The following GNG4 variants were observed in gnomAD, a reference collection of about 807,000 sequenced individuals.
GNG4 encodes G protein subunit gamma 4, also known as guanine nucleotide-binding protein G(I)/G(S)/G(O) subunit gamma-4.
In GNG4, 4 loss-of-function variants were observed where a neutral mutation model predicts 5.8. The ratio of observed to expected loss-of-function variants is 0.69; its 90% CI spans 0.34 to 1.57. The LOEUF is 1.57. Ranked by LOEUF, GNG4 falls within the 40% of genes most tolerant of loss-of-function variation. GNG4 has a pLI of 0.06. For synonymous variants in GNG4, 29 were observed against 32.9 expected, an observed-to-expected ratio of 0.88 and a Z score of 0.41; for missense variants, 96 against 95.1, an observed-to-expected ratio of 1.01 and a Z score of -0.04.
chr1:235,608,811 G>T (rs1419778641), intron 1 of GNG4, among the ~76,000 whole-genome samples: 1 of 151,980 alleles, frequency 6.6e-6, no homozygotes, highest in Non-Finnish European at 1.5e-5. Flanking sequence ...AGCCTCCTGA[G>T]TAGCTGGGAT....
intron 1 of GNG4, among the ~76,000 whole-genome samples, chr1:235,627,279 G>A (rs1318095257): frequency 6.6e-6 from 1 of 152,032 alleles, no homozygotes; most frequent in Non-Finnish European, 1.5e-5. Context: ...CTGGAGTGCA[G>A]TGGCCCAATC....
chr1:235,588,732 TTCC>T (rs2102948978), intron 2 of GNG4: 1 of 152,420 alleles, frequency 6.6e-6, no homozygotes, highest in South Asian at 2.1e-4. Context: ...TCTTCATCAC[TTCC>T]TCATCACCTC....
chr1:235,571,897 G>A (rs1027952257), intron 3 of GNG4, among the ~76,000 whole-genome samples: 5 of 152,112 alleles, frequency 3.3e-5, no homozygotes, highest in Admixed American at 2.6e-4. Context: ...GAGTGCAGTG[G>A]CAGGATCAGG....
rs59527448 is a variant in GNG4 at position 235,596,209 on chromosome 1, T to TACACACACACACACACACAC, written c.-122-718_-122-699dup. Reference sequence around the variant, plus strand: ...ACAAAACAAAAACAAACAAACAAAATACACACACACACACACACACACACA... The same window carrying TACACACACACACACACACAC: ...ACAAAACAAAAACAAACAAACAAAATACACACACACACACACACACACACACACACACACACACACACACA... On this transcript the variant is annotated intron_variant, in intron 1 of 3. Transcript: ENST00000391854. 1.4e-3 allele frequency among the ~76,000 whole-genome samples: 193 copies of TACACACACACACACACACAC among 133,568 alleles called. 2 individuals are homozygous for TACACACACACACACACACAC. The highest frequency in any genetic ancestry group is 4.4e-3 in the African/African-American group (160 of 36,184). The allele number at this position is 133,568 out of a possible 152,430, so 87.6% of individuals were successfully genotyped here.
chr1:235,587,165 G>A (rs369687264), intron 2 of GNG4, among the ~76,000 whole-genome samples: 5 of 148,696 alleles, frequency 3.4e-5, no homozygotes, highest in Non-Finnish European at 6.0e-5. Context: ...GGGGGTGAGC[G>A]TGTGAGAGTG....
chr1:235,569,456 T>TG (rs1687281734), intron 3 of GNG4, among the ~76,000 whole-genome samples: 2 of 63,552 alleles, frequency 3.1e-5, no homozygotes, highest in Non-Finnish European at 6.0e-5. Flanking sequence ...AGACCGTGTC[T>TG]CAAAAAAAAA....
intron 2 of GNG4, among the ~76,000 whole-genome samples, chr1:235,590,241 G>A (rs901607779): frequency 2.0e-5 from 3 of 152,094 alleles, no homozygotes; most frequent in Non-Finnish European, 2.9e-5. Flanking sequence ...GATCACCTGA[G>A]GTTAGGAGTT....
intron 1 of GNG4, among the ~76,000 whole-genome samples, chr1:235,599,862 T>G (rs1475545880): frequency 6.6e-6 from 1 of 152,192 alleles, no homozygotes; most frequent in East Asian, 1.9e-4. Flanking sequence ...AGAAGCTCTT[T>G]GAGAGGCCAC....
At chr1:235,569,809 G>A (rs1478463522) in intron 3 of GNG4, among the ~76,000 whole-genome samples, 1 of 151,930 alleles carries the variant, frequency 6.6e-6, no homozygotes, top group African/African-American at 2.4e-5. Flanking sequence ...CAGGTGATCC[G>A]TCCGCCTCGG....
intron 3 of GNG4, among the ~76,000 whole-genome samples, chr1:235,573,038 T>C (rs1687384229): frequency 6.6e-6 from 1 of 152,150 alleles, no homozygotes; most frequent in African/African-American, 2.4e-5. Context: ...GTATGTTTAT[T>C]GTGGCACTAT....
chr1:235,561,154 C>T (rs1231092262), intron 3 of GNG4, among the ~76,000 whole-genome samples: 1 of 152,158 alleles, frequency 6.6e-6, no homozygotes, highest in Non-Finnish European at 1.5e-5. Flanking sequence ...GGACTACAGG[C>T]GCCTGCCACC....
chr1:235,585,484 G>C (rs1384469903), intron 2 of GNG4, among the ~76,000 whole-genome samples: 1 of 152,128 alleles, frequency 6.6e-6, no homozygotes, highest in African/African-American at 2.4e-5. Context: ...TTACATATAT[G>C]TTTTCTCATT....
At chr1:235,587,656 G>T (rs116132833) in intron 2 of GNG4, among the ~76,000 whole-genome samples, 6,838 of 40,854 alleles carry the variant, frequency 0.17, 1,585 homozygotes, top group East Asian at 0.71. Flanking sequence ...GGAGGGTGTT[G>T]GGTGTGTGTG....
At chr1:235,630,494 TG>T (rs1356178076) in intron 1 of GNG4, among the ~76,000 whole-genome samples, 4 of 152,208 alleles carry the variant, frequency 2.6e-5, no homozygotes, top group African/African-American at 9.6e-5. Flanking sequence ...CCGGGTGTTT[TG>T]TTTGTCCCGG....
intron 2 of GNG4, among the ~76,000 whole-genome samples, chr1:235,589,231 T>G (rs556860948): frequency 6.6e-6 from 1 of 152,200 alleles, no homozygotes; most frequent in Admixed American, 6.5e-5. Context: ...TGTACAGGCA[T>G]GCTGGCGCCC....
In GNG4 at chr1:235,549,957, C is replaced by T. The variant is rs1345677660; in HGVS notation, c.*2152G>A. On this transcript the variant is annotated 3_prime_UTR_variant, in exon 4 of 4. Transcript: ENST00000391854. ...CCCAGACAGAAAGGCAGGATAATTACCATTAAACCCAATTTGCAGGTTAGA... is the reference window on the plus strand; with the variant it reads ...CCCAGACAGAAAGGCAGGATAATTATCATTAAACCCAATTTGCAGGTTAGA... The T allele has an allele frequency of 2.0e-5, 3 of 152,152 alleles. No homozygotes were observed. Among genetic ancestry groups the T allele is most frequent in the Non-Finnish European group, 4.4e-5 (3 of 68,018 alleles). The allele number at this position is 152,152 out of a possible 1,614,324, so 9.4% of individuals were successfully genotyped here.
At chr1:235,578,670 T>C (rs188480786) in intron 3 of GNG4, among the ~76,000 whole-genome samples, 12 of 152,316 alleles carry the variant, frequency 7.9e-5, no homozygotes, top group East Asian at 3.9e-4. Context: ...AAATAAGCCA[T>C]GCACTGGACA....
chr1:235,575,160 A>G (rs1687446828), intron 3 of GNG4, among the ~76,000 whole-genome samples: 1 of 152,126 alleles, frequency 6.6e-6, no homozygotes, highest in African/African-American at 2.4e-5. Context: ...ATCTTTCTGC[A>G]CTATCGCACT....
intron 3 of GNG4, among the ~76,000 whole-genome samples, chr1:235,557,945 TTC>T (rs1317291751): frequency 6.6e-6 from 1 of 152,194 alleles, no homozygotes; most frequent in Non-Finnish European, 1.5e-5. Flanking sequence ...CTAGGAATTT[TTC>T]TCTCACCTCC....
Sources: gnomAD v4.1 joint callset for allele counts (sites outside exome capture counted in the v4.1 genomes callset) on GRCh38, gnomAD v4.1.1 for gene constraint, MANE v1.5 for transcripts, NCBI Gene and HGNC (gene_info 2026-07-23, HGNC 2026-07-21) for gene names.